Variants in CTDSP2 observed in about 807,000 individuals in gnomAD.
CTDSP2 encodes the protein CTD small phosphatase 2.
A neutral mutation model predicts 31.6 loss-of-function variants in CTDSP2; 9 were observed. That is an observed-to-expected ratio of 0.28 (90% CI 0.17 to 0.50). CTDSP2 has a LOEUF of 0.50. CTDSP2 is among the 20% of genes least tolerant of loss of function. The probability of loss-of-function intolerance (pLI) is 0.98; values close to 1 mark genes in which losing one functional copy is unlikely to be tolerated. For missense variants in CTDSP2, 267 were observed against 348.5 expected (o/e 0.77, Z 1.86); for synonymous variants, 134 against 134.5 (o/e 1.00, Z 0.03).
chr12:57,831,859 C>A (rs1173742718), intron 1 of CTDSP2, among the ~76,000 whole-genome samples: 1 of 152,190 alleles, frequency 6.6e-6, no homozygotes, highest in African/African-American at 2.4e-5. Flanking sequence ...GAGCAACACA[C>A]CCAGAAAATG....
Position 57,821,031 on chromosome 12 carries a change from G to C in CTDSP2, c.*2571C>G, listed in dbSNP as rs1179346716. 6.6e-6 allele frequency: 1 copy of C among 152,194 alleles called. No homozygotes were observed. Among genetic ancestry groups the C allele is most frequent in the Non-Finnish European group, 1.5e-5 (1 of 68,038 alleles). 9.4% of individuals were successfully genotyped at this position (152,194 alleles called of 1,614,324 possible). On this transcript the variant is annotated 3_prime_UTR_variant, in exon 8 of 8. Coordinates refer to ENST00000398073, the MANE Select transcript of CTDSP2 (RefSeq NM_005730.4). The stretch of plus-strand genomic sequence containing the variant: ...GTGGGAAGCCCTAGAAGAGAGTCTG[G>C]GATGAAGCGGCCTCCTCCCTGTCTT...
chr12:57,827,672 G>T, intron 2 of CTDSP2, 82 bp from the exon 3 acceptor site: 1 of 1,417,210 alleles, frequency 7.1e-7, no homozygotes, highest in Non-Finnish European at 9.8e-7. Flanking sequence ...TCTTAAGCCT[G>T]GAGGGCAACT....
At chr12:57,832,746 C>T (rs945188440) in intron 1 of CTDSP2, among the ~76,000 whole-genome samples, 27 of 122,158 alleles carry the variant, frequency 2.2e-4, no homozygotes, top group Non-Finnish European at 2.9e-4. Context: ...GAGCTGAGAT[C>T]GGGCCACTGC....
At chr12:57,839,415 C>T (rs1037734998) in intron 1 of CTDSP2, among the ~76,000 whole-genome samples, 1 of 152,142 alleles carries the variant, frequency 6.6e-6, no homozygotes, top group African/African-American at 2.4e-5. Context: ...AACTCAAAAG[C>T]ACTCTAAAAG....
At chr12:57,842,963 G>C (rs1224549386) in intron 1 of CTDSP2, among the ~76,000 whole-genome samples, 1 of 152,212 alleles carries the variant, frequency 6.6e-6, no homozygotes, top group Non-Finnish European at 1.5e-5. Context: ...CTGAAAACTT[G>C]CCACATCGTA....
intron 2 of CTDSP2, among the ~76,000 whole-genome samples, chr12:57,828,118 G>T (rs551142937): frequency 6.6e-6 from 1 of 152,074 alleles, no homozygotes; most frequent in Non-Finnish European, 1.5e-5. Flanking sequence ...CCCAATTTTT[G>T]CTAATACAAA....
In CTDSP2 at chr12:57,823,318, T is replaced by C; in HGVS notation, c.*284A>G. On this transcript the variant is annotated 3_prime_UTR_variant, in exon 8 of 8. Transcript: ENST00000398073. ...TTCAGCTTCTCCCCCACTGAAACACTATACACTGGGGCCACAGTTCATGGC... is the reference window on the plus strand; with the variant it reads ...TTCAGCTTCTCCCCCACTGAAACACCATACACTGGGGCCACAGTTCATGGC... 1 of 455,070 alleles carries C rather than the reference T, an allele frequency of 2.2e-6. No homozygotes were observed. The highest frequency in any genetic ancestry group is 4.2e-5 in the East Asian group (1 of 23,532). 28.2% of individuals were successfully genotyped at this position (455,070 alleles called of 1,614,324 possible). A position where few individuals can be genotyped will look rare whatever the true frequency, so the allele number is the denominator to read the frequency against.
intron 1 of CTDSP2, among the ~76,000 whole-genome samples, chr12:57,846,023 G>A (rs866584004): frequency 2.6e-4 from 39 of 152,322 alleles, no homozygotes; most frequent in African/African-American, 7.9e-4. Flanking sequence ...GCGCGCGGCG[G>A]TGAAGGAAAG....
At chr12:57,843,073 A>G (rs1449025048) in intron 1 of CTDSP2, among the ~76,000 whole-genome samples, 1 of 152,154 alleles carries the variant, frequency 6.6e-6, no homozygotes, top group Non-Finnish European at 1.5e-5. Flanking sequence ...CATCATCGAG[A>G]GGAAGGGGCA....
At chr12:57,838,753 G>A (rs1406288493) in intron 1 of CTDSP2, among the ~76,000 whole-genome samples, 7 of 152,242 alleles carry the variant, frequency 4.6e-5, no homozygotes, top group Non-Finnish European at 7.3e-5. Flanking sequence ...TGTAAGGTAT[G>A]CAGCCATGGG....
intron 1 of CTDSP2, among the ~76,000 whole-genome samples, chr12:57,839,547 T>C (rs1331842247): frequency 6.6e-6 from 1 of 151,972 alleles, no homozygotes; most frequent in Non-Finnish European, 1.5e-5. Context: ...TGAAACCGCG[T>C]CTCTACTAAA....
intron 1 of CTDSP2, chr12:57,842,647 A>G (rs1478585915): frequency 6.6e-6 from 1 of 152,326 alleles, no homozygotes; most frequent in African/African-American, 2.4e-5. Flanking sequence ...AAGATGGGGG[A>G]AAAACTCCAA....
Position 57,822,901 on chromosome 12 carries a change from G to A in CTDSP2, c.*701C>T, listed in dbSNP as rs963439130. ...AAAACCTCCTTCCCCACAGGTTTGA[G>A]ACTATGGCTAGGTGGTGAGGAAGGC... On this transcript the variant is annotated 3_prime_UTR_variant, in exon 8 of 8. Transcript: ENST00000398073. The A allele has an allele frequency of 6.5e-6, 1 of 152,772 alleles. No individual in the cohort carries two copies. Among genetic ancestry groups the A allele is most frequent in the Non-Finnish European group, 1.5e-5 (1 of 68,158 alleles). 9.5% of individuals were successfully genotyped at this position (152,772 alleles called of 1,614,324 possible).
At chr12:57,836,194 A>G (rs182835524) in intron 1 of CTDSP2, among the ~76,000 whole-genome samples, 1 of 152,274 alleles carries the variant, frequency 6.6e-6, no homozygotes, top group Admixed American at 6.5e-5. Flanking sequence ...TAGCCCCTAT[A>G]CCTTCTCCCA....
intron 2 of CTDSP2, among the ~76,000 whole-genome samples, chr12:57,827,946 C>G (rs1443204030): frequency 6.6e-6 from 1 of 152,162 alleles, no homozygotes; most frequent in African/African-American, 2.4e-5. Flanking sequence ...CAAACTCTCG[C>G]TAAGTCCTTA....
intron 1 of CTDSP2, among the ~76,000 whole-genome samples, chr12:57,832,142 G>A (rs1595191402): frequency 6.6e-6 from 1 of 151,734 alleles, no homozygotes; most frequent in Non-Finnish European, 1.5e-5. Flanking sequence ...TTGCGCGCAT[G>A]CTCTCTCTCT....
chr12:57,829,459 T>G lies in CTDSP2; in HGVS notation c.202A>C (p.Thr68Pro). ...CCCAACCCACCTACCTTAGCAATGGTGTTTGCTTCCTCCTTATACGCAGCG... is the reference window on the plus strand; with the variant it reads ...CCCAACCCACCTACCTTAGCAATGGGGTTTGCTTCCTCCTTATACGCAGCG... ...ELAAYKEEAN[T>P]IAKSDLLQCL... Residue 68 changes from threonine (T) to proline (P), a missense_variant, in exon 2 of 8, where the codon ACC becomes CCC. Physicochemically the swap from Thr to Pro is conservative, Grantham distance 38. Transcript: ENST00000398073. The G allele has an allele frequency of 6.2e-7, 1 of 1,614,000 alleles. No individual in the cohort carries two copies. Among genetic ancestry groups the G allele is most frequent in the Non-Finnish European group, 8.5e-7 (1 of 1,179,908 alleles).
Position 57,830,427 on chromosome 12 carries a change from A to C in CTDSP2, c.65-831T>G, listed in dbSNP as rs374996703. ...AACAAACAAACAAACAAAACCAACA[A>C]CAACAACAACAACAACAAAAAACCA... is the stretch of plus-strand genomic sequence containing the variant. On this transcript the variant is annotated intron_variant, in intron 1 of 7. Coordinates refer to ENST00000398073, the MANE Select transcript of CTDSP2 (RefSeq NM_005730.4). 9.9e-5 allele frequency among the ~76,000 whole-genome samples: 15 copies of C among 152,054 alleles called. 1 individual carries two copies. Among genetic ancestry groups the C allele is most frequent in the African/African-American group, 3.4e-4 (14 of 41,472 alleles).
intron 6 of CTDSP2, 66 bp from the exon 7 acceptor site, chr12:57,824,155 A>G: frequency 6.2e-7 from 1 of 1,609,702 alleles, no homozygotes; most frequent in Non-Finnish European, 8.5e-7. Context: ...CCTAGGGACC[A>G]AAAGGGAGCT....
Sources: gnomAD v4.1 joint callset for allele counts (sites outside exome capture counted in the v4.1 genomes callset) on GRCh38, gnomAD v4.1.1 for gene constraint, MANE v1.5 for transcripts, NCBI Gene and HGNC (gene_info 2026-07-23, HGNC 2026-07-21) for gene names.